Variants in HAGH observed in about 807,000 individuals in gnomAD.
The protein encoded by HAGH is hydroxyacylglutathione hydrolase, mitochondrial.
HAGH carries 29 observed loss-of-function variants against 35.1 expected under a neutral mutation model. That is an observed-to-expected ratio of 0.83 (90% CI 0.62 to 1.13). HAGH has a LOEUF of 1.13. Among genes scored for constraint, HAGH ranks in the 50% most tolerant of loss-of-function variants. The pLI, the probability that HAGH is intolerant of heterozygous loss-of-function variation, is 0.00. For synonymous variants in HAGH, 225 were observed against 176.1 expected, an observed-to-expected ratio of 1.28 and a Z score of -2.20; for missense variants, 478 against 419.6, an observed-to-expected ratio of 1.14 and a Z score of -1.22.
At position 1,819,101 on chromosome 16, in the gene HAGH, A is replaced by G; in HGVS notation, c.541+14T>C. ...ACGAAGAACCCCCGCCCCCACCCACACTCGAACACGCACCTGTGAACACGG... is the reference window on the plus strand; with the variant it reads ...ACGAAGAACCCCCGCCCCCACCCACGCTCGAACACGCACCTGTGAACACGG... On this transcript the variant is annotated intron_variant, in intron 5 of 8. Coordinates refer to ENST00000397356, the MANE Select transcript of HAGH (RefSeq NM_005326.6). 6.5e-7 allele frequency: 1 copy of G among 1,541,270 alleles called. No homozygotes were observed. The highest frequency in any genetic ancestry group is 9.0e-7 in the Non-Finnish European group (1 of 1,114,876).
Position 1,820,184 on chromosome 16 carries a change from C to A in HAGH, c.315-170G>T, listed in dbSNP as rs546661589. ...AAACCGAGGAAGCAAATCACAGACA[C>A]CTGGATGATCCTGTGGCCAGGGTTC... On this transcript the variant is annotated intron_variant, in intron 3 of 8. Coordinates refer to ENST00000397356, the MANE Select transcript of HAGH (RefSeq NM_005326.6). Among the ~76,000 whole-genome samples the A allele has an allele frequency of 3.7e-4, 57 of 152,164 alleles. 1 individual carries two copies. The South Asian group carries it at 0.011, about 30-fold the overall frequency.
Position 1,807,742 on chromosome 16 carries a change from T to C in HAGH, c.*1541A>G, listed in dbSNP as rs1359166935. On this transcript the variant is annotated 3_prime_UTR_variant, in exon 9 of 9. Coordinates refer to ENST00000397356, the MANE Select transcript of HAGH (RefSeq NM_005326.6). ...TGGGAGAAGAAAGCCGGAGAAGCAGTCTGCCCTGCCTCCTCACACACGCCT... is the reference window on the plus strand; with the variant it reads ...TGGGAGAAGAAAGCCGGAGAAGCAGCCTGCCCTGCCTCCTCACACACGCCT... 1 of 152,280 alleles carries C rather than the reference T, an allele frequency of 6.6e-6. No individual in the cohort carries two copies. Among genetic ancestry groups the C allele is most frequent in the Admixed American group, 6.5e-5 (1 of 15,278 alleles). 9.4% of individuals were successfully genotyped at this position (152,280 alleles called of 1,614,324 possible).
At chr16:1,817,145 G>T in intron 6 of HAGH, 23 bp downstream of exon 6, 1 of 1,525,122 alleles carries the variant, frequency 6.6e-7, no homozygotes, top group Non-Finnish European at 9.1e-7. Context: ...CCACACCCCG[G>T]CCCGCAGGGA....
intron 1 of HAGH, among the ~76,000 whole-genome samples, chr16:1,823,744 TAAAAAAAAA>T (rs71145496): frequency 0.011 from 631 of 55,948 alleles, 9 homozygotes; most frequent in Middle Eastern, 0.023. Flanking sequence ...ACCTGTTCCT[TAAAAAAAAA>T]AAAAAAAAAA....
At chr16:1,816,624 G>C (rs942707039) in intron 7 of HAGH, among the ~76,000 whole-genome samples, 4 of 152,368 alleles carry the variant, frequency 2.6e-5, no homozygotes, top group African/African-American at 9.6e-5. Flanking sequence ...CGTGCTGCCA[G>C]CCTGACCCTA....
chr16:1,808,421 C>T lies in HAGH; in HGVS notation c.*862G>A, dbSNP rs1897489786. 1 of 152,106 alleles carries T rather than the reference C, an allele frequency of 6.6e-6. No homozygotes were observed. Among genetic ancestry groups the T allele is most frequent in the South Asian group, 2.1e-4 (1 of 4,834 alleles). The allele number at this position is 152,106 out of a possible 1,614,324, so 9.4% of individuals were successfully genotyped here. On this transcript the variant is annotated 3_prime_UTR_variant, in exon 9 of 9. Transcript: ENST00000397356. ...GTTCACACCATTCTCCTGCCTTAGC[C>T]TCCCGAGTAGCCGGGACTACAGGTG...
In HAGH at chr16:1,817,254, C is replaced by T; in HGVS notation, c.559G>A (p.Ala187Thr). The change falls in exon 6 of 9, where the codon GCT becomes ACT. Residue 187 changes from alanine (A) to threonine (T), a missense_variant. Physicochemically the swap from Ala to Thr is moderately conservative, Grantham distance 58. Transcript: ENST00000397356. ...CCTTCATAGAACTTCCCGCAGCCAG[C>T]CACAAACAAGGTGTCACCTGGAAAC... The part of the protein sequence containing the change: ...AVFTGDTLFV[A>T]GCGKFYEGTA... 2 of 1,612,114 alleles carry T rather than the reference C, an allele frequency of 1.2e-6. No individual in the cohort carries two copies. The highest frequency in any genetic ancestry group is 1.7e-6 in the Non-Finnish European group (2 of 1,178,188).
In HAGH at chr16:1,816,257, G is replaced by A. The variant is rs75526309; in HGVS notation, c.747+636C>T. On this transcript the variant is annotated intron_variant, in intron 7 of 8. Coordinates refer to ENST00000397356, the MANE Select transcript of HAGH (RefSeq NM_005326.6). ...GAGTATTTATGATTCATCTGATTTA[G>A]AGTTGGAATTTGCATGAGTAAATAC... Among the ~76,000 whole-genome samples the A allele has an allele frequency of 8.6e-3, 1,301 of 150,792 alleles. 93 individuals are homozygous for A. In the East Asian group the frequency reaches 0.18, roughly 21 times the overall value.
intron 7 of HAGH, among the ~76,000 whole-genome samples, chr16:1,811,595 T>C (rs1465167241): frequency 6.7e-6 from 1 of 148,664 alleles, no homozygotes; most frequent in Non-Finnish European, 1.5e-5. Flanking sequence ...TGTCTGTAAT[T>C]CCAGCTACTT....
At chr16:1,811,478 T>C (rs2300641) in intron 7 of HAGH, among the ~76,000 whole-genome samples, 114,355 of 151,228 alleles carry the variant, frequency 0.76, 43,292 homozygotes, top group Middle Eastern at 0.83. Context: ...TGGGGGAGGC[T>C]GAGGCAGGTG....
In HAGH at chr16:1,817,142, C is replaced by A. The variant is rs776062519; in HGVS notation, c.645+26G>T. ...CGCCCTGGTTAAGGCCCCCCACACC[C>A]CGGCCCGCAGGGAGGCGCTGCCTAC... On this transcript the variant is annotated intron_variant, in intron 6 of 8. Coordinates refer to ENST00000397356, the MANE Select transcript of HAGH (RefSeq NM_005326.6). 3.5e-5 allele frequency: 53 copies of A among 1,522,798 alleles called. 3 individuals carry two copies. In the South Asian group the frequency reaches 5.5e-4, roughly 16 times the overall value. The allele number at this position is 1,522,798 out of a possible 1,614,324, so 94.3% of individuals were successfully genotyped here.
At chr16:1,819,047 G>T in intron 5 of HAGH, 68 bp downstream of exon 5, 1 of 997,612 alleles carries the variant, frequency 1.0e-6, no homozygotes, top group Non-Finnish European at 1.6e-6. Flanking sequence ...TGCCCCGTGA[G>T]CCTGCCTGGC....
chr16:1,817,018 G>C, intron 6 of HAGH, 24 bp from the exon 7 acceptor site: 1 of 1,524,604 alleles, frequency 6.6e-7, no homozygotes, highest in South Asian at 1.1e-5. Context: ...TGACAGGTGA[G>C]CTCGGAAGGC....
chr16:1,823,818 A>G (rs1384756727), intron 1 of HAGH, among the ~76,000 whole-genome samples: 1 of 150,262 alleles, frequency 6.7e-6, no homozygotes. Flanking sequence ...GAACTAACTC[A>G]TGCTCACATT....
chr16:1,824,945 GA>G (rs3834553), intron 1 of HAGH, among the ~76,000 whole-genome samples: 9,024 of 152,252 alleles, frequency 0.059, 289 homozygotes, highest in East Asian at 0.12. Context: ...GTGGGGTGCA[GA>G]AGGGTTGTGA....
At position 1,819,970 on chromosome 16, in the gene HAGH, C is replaced by T. The variant is rs1898076234; in HGVS notation, c.359G>A (p.Gly120Glu). The change falls in exon 4 of 9, where the codon GGA becomes GAA. Residue 120 changes from glycine (G) to glutamate (E), a missense_variant. Transcript: ENST00000397356. ...GTCGTCACCCCCGTACACCTTCAGT[C>T]CCGACTCCAGCTTGACCAGTTTCTC... is the stretch of plus-strand genomic sequence containing the variant. ...GNEKLVKLESGLKVYGGDDRI... is the reference protein window; with the variant it reads ...GNEKLVKLESELKVYGGDDRI... 1.9e-6 allele frequency: 3 copies of T among 1,613,484 alleles called. No homozygotes were observed. Among genetic ancestry groups the T allele is most frequent in the Non-Finnish European group, 1.7e-6 (2 of 1,179,828 alleles).
Position 1,809,010 on chromosome 16 carries a change from T to TG in HAGH, c.*272dup, listed in dbSNP as rs1187733820. ...GCTCACGCCTGACCTGAAGCGTGGG[T>TG]GGGGGGACTGCAGTGGCTCACGGAG... On this transcript the variant is annotated 3_prime_UTR_variant, in exon 9 of 9. Transcript: ENST00000397356. 29 of 446,306 alleles carry TG rather than the reference T, an allele frequency of 6.5e-5. No individual in the cohort carries two copies. Among genetic ancestry groups the TG allele is most frequent in the Admixed American group, 1.8e-4 (5 of 27,882 alleles). 27.6% of individuals were successfully genotyped at this position (446,306 alleles called of 1,614,324 possible). A position where few individuals can be genotyped will look rare whatever the true frequency, so the allele number is the denominator to read the frequency against.
chr16:1,811,233 G>C (rs1301665118), intron 7 of HAGH, among the ~76,000 whole-genome samples: 1 of 152,098 alleles, frequency 6.6e-6, no homozygotes. Flanking sequence ...GGGCAACACG[G>C]TGAAACCCCA....
In HAGH at chr16:1,820,131, C is replaced by T. The variant is rs551639841; in HGVS notation, c.315-117G>A. 141 of 729,576 alleles carry T rather than the reference C, an allele frequency of 1.9e-4. No individual in the cohort carries two copies. The African/African-American group carries it at 1.9e-3, about 10-fold the overall frequency. 45.2% of individuals were successfully genotyped at this position (729,576 alleles called of 1,614,324 possible). A position where few individuals can be genotyped will look rare whatever the true frequency, so the allele number is the denominator to read the frequency against. ...CTGCTGCTCTTAAACCCTAGTCAAA[C>T]GCAACACTTATTTTCCACTCACAAA... On this transcript the variant is annotated intron_variant, in intron 3 of 8. Coordinates refer to ENST00000397356, the MANE Select transcript of HAGH (RefSeq NM_005326.6).
Sources: allele counts gnomAD v4.1 joint callset (sites outside exome capture counted in the v4.1 genomes callset), GRCh38; gene constraint gnomAD v4.1.1; transcripts MANE v1.5; gene names NCBI Gene and HGNC (gene_info 2026-07-23, HGNC 2026-07-21).